Variants in MAGI1 observed in about 807,000 individuals in gnomAD.
MAGI1 encodes membrane associated guanylate kinase, WW and PDZ domain containing 1.
In MAGI1, 58 loss-of-function variants were observed where a neutral mutation model predicts 139.9. That is an observed-to-expected ratio of 0.41 (90% CI 0.34 to 0.52). The LOEUF (loss-of-function observed/expected upper bound fraction) is 0.52, where lower values mean the gene tolerates loss of function less well. MAGI1 is among the 20% of genes least tolerant of loss of function. The probability of loss-of-function intolerance (pLI) is 0.12; values close to 1 mark genes in which losing one functional copy is unlikely to be tolerated. For synonymous variants in MAGI1, 812 were observed against 737.9 expected, an observed-to-expected ratio of 1.10 and a Z score of -1.63; for missense variants, 1,874 against 1,901.6, an observed-to-expected ratio of 0.99 and a Z score of 0.27.
At position 65,842,122 on chromosome 3, in the gene MAGI1, C is replaced by T. The variant is rs1012711427; in HGVS notation, c.313+195874G>A. Among the ~76,000 whole-genome samples the T allele has an allele frequency of 6.6e-5, 10 of 152,146 alleles. No homozygotes were observed. The East Asian group carries it at 1.9e-3, about 29-fold the overall frequency. ...CAAATTTTTACTGCCATTTCTCAAA[C>T]GTCAAAACAGATGTCAATGCTCTGA... On this transcript the variant is annotated intron_variant, in intron 1 of 22. Transcript: ENST00000402939.
intron 1 of MAGI1, among the ~76,000 whole-genome samples, chr3:65,691,106 T>C (rs969935544): frequency 6.6e-6 from 1 of 151,696 alleles, no homozygotes; most frequent in Non-Finnish European, 1.5e-5. Context: ...ATTGAGACCA[T>C]CTTGGCTAAC....
intron 18 of MAGI1, among the ~76,000 whole-genome samples, chr3:65,371,151 C>T (rs1042594271): frequency 2.6e-5 from 4 of 152,202 alleles, no homozygotes; most frequent in African/African-American, 4.8e-5. Context: ...TCAATCCCTG[C>T]GTCCTGTTCT....
intron 2 of MAGI1, among the ~76,000 whole-genome samples, chr3:65,584,560 C>T (rs553775066): frequency 5.9e-5 from 9 of 152,276 alleles, no homozygotes; most frequent in African/African-American, 2.2e-4. Flanking sequence ...GGTCACAGCT[C>T]TTTTGGCCTT....
At chr3:65,710,344 G>A (rs2031204635) in intron 1 of MAGI1, among the ~76,000 whole-genome samples, 1 of 135,154 alleles carries the variant, frequency 7.4e-6, no homozygotes, top group Admixed American at 8.2e-5. Context: ...GCAATGGCGC[G>A]ACCTTGGCTC....
At chr3:65,413,223 G>A (rs7649739) in intron 12 of MAGI1, among the ~76,000 whole-genome samples, 102,895 of 152,032 alleles carry the variant, frequency 0.68, 35,463 homozygotes, top group African/African-American at 0.82. Flanking sequence ...TGCTCTGGAG[G>A]GGGGTACATT....
At chr3:65,845,793 G>C (rs1017815937) in intron 1 of MAGI1, among the ~76,000 whole-genome samples, 1 of 152,126 alleles carries the variant, frequency 6.6e-6, no homozygotes, top group Non-Finnish European at 1.5e-5. Flanking sequence ...ATGACAACCT[G>C]AATTTTAGAA....
intron 1 of MAGI1, among the ~76,000 whole-genome samples, chr3:65,909,680 A>G (rs1477184946): frequency 6.6e-6 from 1 of 152,214 alleles, no homozygotes; most frequent in Non-Finnish European, 1.5e-5. Context: ...TGAGTGACAG[A>G]GTGAGACCCT....
chr3:65,603,532 T>C (rs1559711198), intron 2 of MAGI1, among the ~76,000 whole-genome samples: 1 of 152,206 alleles, frequency 6.6e-6, no homozygotes, highest in Non-Finnish European at 1.5e-5. Context: ...CCATAGAACG[T>C]AGATAAAAGG....
At chr3:65,937,334 C>T (rs1033113012) in intron 1 of MAGI1, among the ~76,000 whole-genome samples, 4 of 152,166 alleles carry the variant, frequency 2.6e-5, no homozygotes, top group South Asian at 2.1e-4. Context: ...AGATTTCCAA[C>T]GCTTGCTAGC....
At chr3:65,411,079 T>C (rs1257148377) in intron 12 of MAGI1, among the ~76,000 whole-genome samples, 2 of 152,222 alleles carry the variant, frequency 1.3e-5, no homozygotes, top group Non-Finnish European at 2.9e-5. Context: ...AAGATGTACC[T>C]ACCACGAGGT....
chr3:65,811,687 CACAA>C (rs1290171426), intron 1 of MAGI1, among the ~76,000 whole-genome samples: 2 of 150,614 alleles, frequency 1.3e-5, no homozygotes, highest in Non-Finnish European at 3.0e-5. Context: ...TAAATAAATA[CACAA>C]ACAAAAAAAA....
intron 1 of MAGI1, among the ~76,000 whole-genome samples, chr3:65,784,189 G>C (rs2039187547): frequency 6.6e-6 from 1 of 152,014 alleles, no homozygotes; most frequent in Non-Finnish European, 1.5e-5. Flanking sequence ...CATCATTGCT[G>C]GTAGGAATGC....
intron 6 of MAGI1, among the ~76,000 whole-genome samples, chr3:65,448,679 G>A (rs1160010245): frequency 7.7e-6 from 1 of 129,982 alleles, no homozygotes; most frequent in Non-Finnish European, 1.6e-5. Flanking sequence ...CATTTAACTG[G>A]TTTTGTGAGA....
intron 1 of MAGI1, among the ~76,000 whole-genome samples, chr3:65,681,881 T>C (rs1369138159): frequency 6.6e-6 from 1 of 152,154 alleles, no homozygotes; most frequent in Non-Finnish European, 1.5e-5. Context: ...TTTTTATTAA[T>C]TAAAAGATGA....
intron 1 of MAGI1, among the ~76,000 whole-genome samples, chr3:65,682,201 G>A (rs999764882): frequency 6.6e-6 from 1 of 152,170 alleles, no homozygotes; most frequent in African/African-American, 2.4e-5. Context: ...CATCAAGGGT[G>A]GGCATGCAAA....
At chr3:65,710,326 G>A (rs889078768) in intron 1 of MAGI1, among the ~76,000 whole-genome samples, 1 of 135,970 alleles carries the variant, frequency 7.4e-6, no homozygotes, top group African/African-American at 2.9e-5. Context: ...TGTTGCCCAG[G>A]CTGGAGTGCA....
chr3:65,962,939 C>CAA (rs200089141), intron 1 of MAGI1, among the ~76,000 whole-genome samples: 9 of 84,960 alleles, frequency 1.1e-4, no homozygotes, highest in Admixed American at 8.7e-4. Context: ...CAAGTGTCAG[C>CAA]AAAAAAAAAA....
intron 2 of MAGI1, among the ~76,000 whole-genome samples, chr3:65,588,334 AG>A (rs1399469006): frequency 1.3e-5 from 2 of 152,178 alleles, no homozygotes; most frequent in Non-Finnish European, 2.9e-5. Context: ...GACCCCATTA[AG>A]GTGGAGCGTT....
chr3:65,907,427 T>C (rs2061482804), intron 1 of MAGI1, among the ~76,000 whole-genome samples: 1 of 152,142 alleles, frequency 6.6e-6, no homozygotes, highest in African/African-American at 2.4e-5. Context: ...TCAAATCCTT[T>C]GAAAGTCACC....
Sources: gnomAD v4.1 joint callset for allele counts (sites outside exome capture counted in the v4.1 genomes callset) on GRCh38, gnomAD v4.1.1 for gene constraint, MANE v1.5 for transcripts, NCBI Gene and HGNC (gene_info 2026-07-23, HGNC 2026-07-21) for gene names.